The following ZHX2 variants were observed in gnomAD, a reference collection of about 807,000 sequenced individuals.
ZHX2 encodes the protein zinc fingers and homeoboxes 2, also known as zinc fingers and homeoboxes protein 2.
ZHX2 carries 6 observed loss-of-function variants against 21.9 expected under a neutral mutation model. The observed-to-expected ratio is 0.27, with a 90% CI of 0.15 to 0.54. The LOEUF is 0.54. ZHX2 is among the 20% of genes least tolerant of loss of function. The probability of loss-of-function intolerance (pLI) is 0.95; values close to 1 mark genes in which losing one functional copy is unlikely to be tolerated. For synonymous variants in ZHX2, 434 were observed against 437.1 expected, an observed-to-expected ratio of 0.99 and a Z score of 0.09; for missense variants, 908 against 1,090.7, an observed-to-expected ratio of 0.83 and a Z score of 2.36.
At position 122,847,649 on chromosome 8, in the gene ZHX2, G is replaced by C. The variant is rs867937067; in HGVS notation, c.-282-15828G>C. Among the ~76,000 whole-genome samples the C allele has an allele frequency of 3.9e-5, 6 of 152,328 alleles. No homozygotes were observed. In the South Asian group the frequency reaches 6.2e-4, roughly 16 times the overall value. ...GTGGTCATCACCAGAACCCACCTTC[G>C]CACATGGGGGATGTGCTCATGATGA... is the stretch of plus-strand genomic sequence containing the variant. On this transcript the variant is annotated intron_variant, in intron 1 of 3. Coordinates refer to ENST00000314393, the MANE Select transcript of ZHX2 (RefSeq NM_014943.5).
At chr8:122,818,010 T>TTATC (rs1818069666) in intron 1 of ZHX2, among the ~76,000 whole-genome samples, 1 of 152,158 alleles carries the variant, frequency 6.6e-6, no homozygotes, top group African/African-American at 2.4e-5. Flanking sequence ...AGGGCACTTG[T>TTATC]TATCATTCAA....
At chr8:122,920,988 A>AT (rs1820724788) in intron 2 of ZHX2, among the ~76,000 whole-genome samples, 1 of 152,028 alleles carries the variant, frequency 6.6e-6, no homozygotes, top group Non-Finnish European at 1.5e-5. Context: ...TCGGTTTCAG[A>AT]TTGAGTTTCC....
chr8:122,966,125 C>T (rs1586431544), intron 3 of ZHX2, among the ~76,000 whole-genome samples: 5 of 152,122 alleles, frequency 3.3e-5, no homozygotes, highest in South Asian at 4.1e-4. Context: ...ATATTTTAAA[C>T]GGAGCCTTTA....
chr8:122,883,959 A>G (rs1349328244), intron 2 of ZHX2, among the ~76,000 whole-genome samples: 7 of 152,216 alleles, frequency 4.6e-5, no homozygotes, highest in Non-Finnish European at 1.0e-4. Flanking sequence ...GCTCTAAGAA[A>G]TGCATTATTA....
intron 1 of ZHX2, among the ~76,000 whole-genome samples, chr8:122,857,796 T>C (rs532334731): frequency 6.6e-6 from 1 of 152,104 alleles, no homozygotes; most frequent in East Asian, 1.9e-4. Flanking sequence ...TTACCATCTG[T>C]AGAATGGGTA....
chr8:122,909,654 C>G (rs1820430570), intron 2 of ZHX2, among the ~76,000 whole-genome samples: 1 of 152,038 alleles, frequency 6.6e-6, no homozygotes. Context: ...AAGCAGAAAC[C>G]TGGGAGGTGC....
At chr8:122,938,631 A>G (rs1359933677) in intron 2 of ZHX2, among the ~76,000 whole-genome samples, 2 of 151,992 alleles carry the variant, frequency 1.3e-5, no homozygotes, top group Non-Finnish European at 2.9e-5. Flanking sequence ...GAGTTTGAGA[A>G]TTTAACACCA....
chr8:122,798,442 G>T (rs553049441), intron 1 of ZHX2, among the ~76,000 whole-genome samples: 20 of 152,074 alleles, frequency 1.3e-4, no homozygotes, highest in Non-Finnish European at 2.6e-4. Context: ...GGGAATGGTG[G>T]TGCGTTGGAA....
intron 3 of ZHX2, among the ~76,000 whole-genome samples, chr8:122,968,459 C>T (rs1315160212): frequency 6.6e-6 from 1 of 152,162 alleles, no homozygotes; most frequent in Non-Finnish European, 1.5e-5. Context: ...TCCTCCAGTC[C>T]AACACATTTC....
chr8:122,821,853 TGCCACCACGCCTGGCTA>T (rs1563742233), intron 1 of ZHX2, among the ~76,000 whole-genome samples: 25 of 152,128 alleles, frequency 1.6e-4, no homozygotes, highest in African/African-American at 6.0e-4. Flanking sequence ...TACAGGCATG[TGCCACCACGCCTGGCTA>T]ATTTTTGTAT....
At chr8:122,944,015 T>C (rs942743820) in intron 2 of ZHX2, among the ~76,000 whole-genome samples, 4 of 152,214 alleles carry the variant, frequency 2.6e-5, no homozygotes, top group Non-Finnish European at 4.4e-5. Flanking sequence ...CCTCAAATGT[T>C]TTCTTGCCTT....
At chr8:122,809,611 A>T (rs903542588) in intron 1 of ZHX2, among the ~76,000 whole-genome samples, 2 of 152,218 alleles carry the variant, frequency 1.3e-5, no homozygotes, top group African/African-American at 4.8e-5. Context: ...GTATTTAGTT[A>T]TGCCCACTGT....
chr8:122,929,441 G>A (rs1219431693), intron 2 of ZHX2, among the ~76,000 whole-genome samples: 3 of 152,240 alleles, frequency 2.0e-5, no homozygotes, highest in South Asian at 2.1e-4. Context: ...TCAGGAGTTC[G>A]AGACCTGGCT....
At chr8:122,902,508 T>C (rs1820256518) in intron 2 of ZHX2, among the ~76,000 whole-genome samples, 1 of 152,192 alleles carries the variant, frequency 6.6e-6, no homozygotes, top group Non-Finnish European at 1.5e-5. Context: ...TTTATATACA[T>C]AAGGACCTGA....
intron 1 of ZHX2, among the ~76,000 whole-genome samples, chr8:122,783,363 T>A (rs1817330893): frequency 6.7e-6 from 1 of 150,090 alleles, no homozygotes; most frequent in Non-Finnish European, 1.5e-5. Flanking sequence ...TCACTTTCTC[T>A]CTGTTAAGTT....
At chr8:122,950,364 G>A (rs562923406) in intron 2 of ZHX2, among the ~76,000 whole-genome samples, 2 of 152,260 alleles carry the variant, frequency 1.3e-5, no homozygotes, top group Admixed American at 6.5e-5. Flanking sequence ...ATAAGTGGGA[G>A]TTGAACAATG....
intron 2 of ZHX2, among the ~76,000 whole-genome samples, chr8:122,939,220 A>G (rs1812781122): frequency 6.6e-6 from 1 of 152,164 alleles, no homozygotes; most frequent in South Asian, 2.1e-4. Context: ...TTACAAATGG[A>G]AAGGCTGAGG....
intron 2 of ZHX2, among the ~76,000 whole-genome samples, chr8:122,949,361 T>C (rs1347041106): frequency 6.6e-6 from 1 of 152,120 alleles, no homozygotes; most frequent in Non-Finnish European, 1.5e-5. Context: ...GGGAAAAGTT[T>C]TGCAACAAAC....
intron 2 of ZHX2, among the ~76,000 whole-genome samples, chr8:122,912,617 G>A (rs1380245859): frequency 1.2e-4 from 18 of 152,176 alleles, no homozygotes; most frequent in Admixed American, 1.2e-3. Context: ...CACCTTAAAT[G>A]CCTGGTCTCC....
Sources: gnomAD v4.1 joint callset for allele counts (sites outside exome capture counted in the v4.1 genomes callset) on GRCh38, gnomAD v4.1.1 for gene constraint, MANE v1.5 for transcripts, NCBI Gene and HGNC (gene_info 2026-07-23, HGNC 2026-07-21) for gene names.